Variants in TAS2R3 observed in about 807,000 individuals in gnomAD.
TAS2R3 encodes the protein taste receptor type 2 member 3.
Under a neutral mutation model 15.3 loss-of-function variants are expected in TAS2R3, and 10 were observed. The ratio of observed to expected loss-of-function variants is 0.65; its 90% confidence interval spans 0.40 to 1.11. The LOEUF (loss-of-function observed/expected upper bound fraction) is 1.11. Ranked by LOEUF, TAS2R3 falls within the 50% of genes least tolerant of loss-of-function variation. The probability of loss-of-function intolerance (pLI) is 0.00; values close to 1 mark genes in which losing one functional copy is unlikely to be tolerated. For missense variants in TAS2R3, 383 were observed against 370.3 expected (o/e 1.03, Z -0.28); for synonymous variants, 162 against 141.3 (o/e 1.15, Z -1.04).
rs770578048 is a variant in TAS2R3, at chr7:141,764,281, G to A, written c.123G>A (p.Met41Ile). The change falls in exon 1 of 1, where the codon ATG becomes ATA. Residue 41 changes from methionine to isoleucine, a missense_variant. Met to Ile is a conservative substitution (Grantham distance 10). Coordinates refer to ENST00000247879, the MANE Select transcript of TAS2R3 (RefSeq NM_016943.2). ...GCAGCTGGTTCAAGACCAAGAGAAT[G>A]TCTTTGTCTGACTTCATCATCACCA... ...NGSSWFKTKR[M>I]SLSDFIITTL... 6.2e-7 allele frequency: 1 copy of A among 1,614,200 alleles called. No homozygotes were observed. Among genetic ancestry groups the A allele is most frequent in the African/African-American group, 1.3e-5 (1 of 75,046 alleles).
At chr7:141,764,455 TG>T in the TAS2R3 span, 1 of 1,614,186 alleles carries the variant, frequency 6.2e-7, no homozygotes, top group Non-Finnish European at 8.5e-7. Flanking sequence ...GCATTTGGCT[TG>T]CCACCTGTCT....
chr7:141,764,180 G>T lies in TAS2R3; in HGVS notation c.22G>T (p.Val8Leu), dbSNP rs772564475. ...TGACATGATGGGACTCACCGAGGGG[G>T]TGTTCCTGATTCTGTCTGGCACTCA... The part of the protein sequence containing the change: MMGLTEG[V>L]FLILSGTQFT... The change falls in exon 1 of 1, where the codon GTG (valine) becomes TTG (leucine). Residue 8 changes from valine (V) to leucine (L), a missense_variant. Val to Leu is a conservative substitution (Grantham distance 32). Transcript: ENST00000247879. The T allele has an allele frequency of 6.2e-7, 1 of 1,613,398 alleles. No homozygotes were observed. The highest frequency in any genetic ancestry group is 8.5e-7 in the Non-Finnish European group (1 of 1,179,810).
At position 141,764,841 on chromosome 7, in the gene TAS2R3, C is replaced by G. The variant is rs149980259; in HGVS notation, c.683C>G (p.Ala228Gly). The change falls in exon 1 of 1, where the codon GCC (alanine) becomes GGC (glycine). Residue 228 changes from alanine (A) to glycine (G), a missense_variant. Transcript: ENST00000247879. Reference sequence around the variant, plus strand: ...AGCTCCAGAGATCCAACCACTGAGGCCCACAAGAGGGCCATCAGAATCATC... The same window carrying G: ...AGCTCCAGAGATCCAACCACTGAGGGCCACAAGAGGGCCATCAGAATCATC... Reference protein sequence around the residue: ...GTSSRDPTTEAHKRAIRIILS... With the variant: ...GTSSRDPTTEGHKRAIRIILS... 2.4e-5 allele frequency: 38 copies of G among 1,614,044 alleles called. No individual in the cohort carries two copies. The African/African-American group carries it at 5.1e-4, about 22-fold the overall frequency.
At position 141,764,744 on chromosome 7, in the gene TAS2R3, T is replaced by A; in HGVS notation, c.586T>A (p.Ser196Thr). 6.2e-7 allele frequency: 1 copy of A among 1,613,922 alleles called. No individual in the cohort carries two copies. The highest frequency in any genetic ancestry group is 8.5e-7 in the Non-Finnish European group (1 of 1,179,902). ...GTGGTACCTGCCTCCCTTAATTGTG[T>A]CCCTGGCCTCCTACTCTTTGCTCAT... ...TLWYLPPLIV[S>T]LASYSLLIFS... Residue 196 changes from serine (S) to threonine (T), a missense_variant, in exon 1 of 1, where the codon TCC becomes ACC. By Grantham distance (58) the Ser-to-Thr change is moderately conservative. Transcript: ENST00000247879.
At position 141,764,772 on chromosome 7, in the gene TAS2R3, T is replaced by C; in HGVS notation, c.614T>C (p.Phe205Ser). 1.2e-6 allele frequency: 2 copies of C among 1,613,646 alleles called. No homozygotes were observed. Among genetic ancestry groups the C allele is most frequent in the Non-Finnish European group, 1.7e-6 (2 of 1,179,808 alleles). ...CTGGCCTCCTACTCTTTGCTCATCT[T>C]CTCCCTGGGGAGGCACACACGGCAG... ...VSLASYSLLI[F>S]SLGRHTRQML... Residue 205 changes from phenylalanine (F) to serine (S), a missense_variant, in exon 1 of 1, where the codon TTC (phenylalanine) becomes TCC (serine). By Grantham distance (155) the Phe-to-Ser change is radical (BLOSUM62 -2). Coordinates refer to ENST00000247879, the MANE Select transcript of TAS2R3 (RefSeq NM_016943.2).
chr7:141,764,902 TG>T, the TAS2R3 span: 1 of 1,614,244 alleles, frequency 6.2e-7, no homozygotes, highest in Non-Finnish European at 8.5e-7. Flanking sequence ...TTTACTTTCT[TG>T]CTTTCTTAAT....
rs1191906440 is a variant in TAS2R3, at chr7:141,764,877, T to C, written c.719T>C (p.Phe240Ser). 6.2e-7 allele frequency: 1 copy of C among 1,614,216 alleles called. No homozygotes were observed. The highest frequency in any genetic ancestry group is 1.1e-5 in the South Asian group (1 of 91,078). ...GCCATCAGAATCATCCTTTCCTTCT[T>C]CTTTCTCTTCTTACTTTACTTTCTT... ...KRAIRIILSF[F>S]FLFLLYFLAF... Residue 240 changes from phenylalanine (F) to serine (S), a missense_variant, in exon 1 of 1, where the codon TTC becomes TCC. Coordinates refer to ENST00000247879, the MANE Select transcript of TAS2R3 (RefSeq NM_016943.2).
rs765017863 is a variant in TAS2R3 at position 141,764,461 on chromosome 7, C to T, written c.303C>T (p.Thr101=). The change falls in exon 1 of 1, where the codon ACC becomes ACT. Residue 101 remains threonine (T), a synonymous_variant. Coordinates refer to ENST00000247879, the MANE Select transcript of TAS2R3 (RefSeq NM_016943.2). ...ACCATCTGAGCATTTGGCTTGCCAC[C>T]TGTCTTGGTGTCCTCTACTGCCTGA... ...FTNHLSIWLA[T]CLGVLYCLKI... The T allele has an allele frequency of 9.3e-6, 15 of 1,614,034 alleles. No individual in the cohort carries two copies. The highest frequency in any genetic ancestry group is 1.3e-5 in the Non-Finnish European group (15 of 1,180,042).
Position 141,765,142 on chromosome 7 carries a change from C to G in TAS2R3, c.*33C>G, listed in dbSNP as rs181243861. 12 of 1,562,812 alleles carry G rather than the reference C, an allele frequency of 7.7e-6. No individual in the cohort carries two copies. In the African/African-American group the frequency reaches 1.5e-4, roughly 20 times the overall value. ...GAGGGCATGGGGTGGAGCCCTTGAG[C>G]CTTTTGGCCTGGCTCAAGACTACAG... On this transcript the variant is annotated 3_prime_UTR_variant, in exon 1 of 1. Coordinates refer to ENST00000247879, the MANE Select transcript of TAS2R3 (RefSeq NM_016943.2).
rs1231347775 is a variant in TAS2R3 at position 141,764,922 on chromosome 7, T to C, written c.764T>C (p.Phe255Ser). ...LYFLAFLIAS[F>S]GNFLPKTKMA... ...TTTCTTGCTTTCTTAATTGCATCAT[T>C]TGGTAATTTCCTACCAAAAACCAAG... Residue 255 changes from phenylalanine to serine, a missense_variant, in exon 1 of 1, where the codon TTT becomes TCT. Phe to Ser is a radical substitution (Grantham distance 155). Coordinates refer to ENST00000247879, the MANE Select transcript of TAS2R3 (RefSeq NM_016943.2). The C allele has an allele frequency of 1.2e-6, 2 of 1,614,120 alleles. No homozygotes were observed. The highest frequency in any genetic ancestry group is 1.7e-6 in the Non-Finnish European group (2 of 1,180,054).
Position 141,764,287 on chromosome 7 carries a change from G to T in TAS2R3, c.129G>T (p.Leu43Phe). The T allele has an allele frequency of 6.2e-7, 1 of 1,614,156 alleles. No individual in the cohort carries two copies. The highest frequency in any genetic ancestry group is 1.3e-5 in the African/African-American group (1 of 75,044). Reference sequence around the variant, plus strand: ...GGTTCAAGACCAAGAGAATGTCTTTGTCTGACTTCATCATCACCACCCTGG... The same window carrying T: ...GGTTCAAGACCAAGAGAATGTCTTTTTCTGACTTCATCATCACCACCCTGG... ...SSWFKTKRMS[L>F]SDFIITTLAL... is the part of the protein sequence containing the mutation. The change falls in exon 1 of 1, where the codon TTG (leucine) becomes TTT (phenylalanine). Residue 43 changes from leucine (L) to phenylalanine (F), a missense_variant. Transcript: ENST00000247879.
In TAS2R3 at chr7:141,764,172, C is replaced by G; in HGVS notation, c.14C>G (p.Thr5Ser). 6.2e-7 allele frequency: 1 copy of G among 1,612,126 alleles called. No homozygotes were observed. The highest frequency in any genetic ancestry group is 8.5e-7 in the Non-Finnish European group (1 of 1,179,334). The change falls in exon 1 of 1, where the codon ACC becomes AGC. Residue 5 changes from threonine to serine, a missense_variant. Coordinates refer to ENST00000247879, the MANE Select transcript of TAS2R3 (RefSeq NM_016943.2). The part of the protein sequence containing the change: MMGL[T>S]EGVFLILSGT... ...CTAATTGCTGACATGATGGGACTCA[C>G]CGAGGGGGTGTTCCTGATTCTGTCT...
At position 141,764,747 on chromosome 7, in the gene TAS2R3, C is replaced by T. The variant is rs773117666; in HGVS notation, c.589C>T (p.Leu197=). Residue 197 remains leucine (L), a synonymous_variant, in exon 1 of 1, where the codon CTG becomes TTG. Coordinates refer to ENST00000247879, the MANE Select transcript of TAS2R3 (RefSeq NM_016943.2). ...GTACCTGCCTCCCTTAATTGTGTCCCTGGCCTCCTACTCTTTGCTCATCTT... is the reference window on the plus strand; with the variant it reads ...GTACCTGCCTCCCTTAATTGTGTCCTTGGCCTCCTACTCTTTGCTCATCTT... ...LWYLPPLIVS[L]ASYSLLIFSL... 3.7e-6 allele frequency: 6 copies of T among 1,613,906 alleles called. No individual in the cohort carries two copies. The highest frequency in any genetic ancestry group is 4.2e-6 in the Non-Finnish European group (5 of 1,179,878).
Position 141,765,124 on chromosome 7 carries a change from T to C in TAS2R3, c.*15T>C. ...TTTTCTCTTAGAGTAACAGAGGGCATGGGGTGGAGCCCTTGAGCCTTTTGG... is the reference window on the plus strand; with the variant it reads ...TTTTCTCTTAGAGTAACAGAGGGCACGGGGTGGAGCCCTTGAGCCTTTTGG... On this transcript the variant is annotated 3_prime_UTR_variant, in exon 1 of 1. Coordinates refer to ENST00000247879, the MANE Select transcript of TAS2R3 (RefSeq NM_016943.2). 1 of 1,596,320 alleles carries C rather than the reference T, an allele frequency of 6.3e-7. No homozygotes were observed. The highest frequency in any genetic ancestry group is 8.5e-7 in the Non-Finnish European group (1 of 1,171,674).
At position 141,765,168 on chromosome 7, in the gene TAS2R3, G is replaced by A; in HGVS notation, c.*59G>A. ...CTTTTGGCCTGGCTCAAGACTACAG[G>A]ACTCTTCCTGACCTTCCTATGTTAC... is the stretch of plus-strand genomic sequence containing the variant. On this transcript the variant is annotated 3_prime_UTR_variant, in exon 1 of 1. Transcript: ENST00000247879. The A allele has an allele frequency of 1.3e-6, 2 of 1,498,068 alleles. No individual in the cohort carries two copies. Among genetic ancestry groups the A allele is most frequent in the East Asian group, 2.3e-5 (1 of 44,110 alleles). 92.8% of individuals were successfully genotyped at this position (1,498,068 alleles called of 1,614,324 possible).
At position 141,764,682 on chromosome 7, in the gene TAS2R3, G is replaced by A. The variant is rs1800103861; in HGVS notation, c.524G>A (p.Arg175Lys). 1 of 1,614,142 alleles carries A rather than the reference G, an allele frequency of 6.2e-7. No homozygotes were observed. Among genetic ancestry groups the A allele is most frequent in the African/African-American group, 1.3e-5 (1 of 75,022 alleles). ...GTGACTGAACACTTCAGAAAGAAGAGGAGTGAGTATTATCTGATCCATGTT... is the reference window on the plus strand; with the variant it reads ...GTGACTGAACACTTCAGAAAGAAGAAGAGTGAGTATTATCTGATCCATGTT... ...RNVTEHFRKK[R>K]SEYYLIHVLG... The change falls in exon 1 of 1, where the codon AGG becomes AAG. Residue 175 changes from arginine (R) to lysine (K), a missense_variant. By Grantham distance (26) the Arg-to-Lys change is conservative. Transcript: ENST00000247879.
At position 141,764,313 on chromosome 7, in the gene TAS2R3, C is replaced by T. The variant is rs767722259; in HGVS notation, c.155C>T (p.Ala52Val). 3.1e-6 allele frequency: 5 copies of T among 1,614,106 alleles called. No homozygotes were observed. The highest frequency in any genetic ancestry group is 4.2e-6 in the Non-Finnish European group (5 of 1,180,054). The change falls in exon 1 of 1, where the codon GCA becomes GTA. Residue 52 changes from alanine (A) to valine (V), a missense_variant. Physicochemically the swap from Ala to Val is moderately conservative, Grantham distance 64. Coordinates refer to ENST00000247879, the MANE Select transcript of TAS2R3 (RefSeq NM_016943.2). ...TCTGACTTCATCATCACCACCCTGGCACTCTTGAGGATCATTCTGCTGTGT... is the reference window on the plus strand; with the variant it reads ...TCTGACTTCATCATCACCACCCTGGTACTCTTGAGGATCATTCTGCTGTGT... Reference protein sequence around the residue: ...SLSDFIITTLALLRIILLCII... With the variant: ...SLSDFIITTLVLLRIILLCII...
Position 141,764,797 on chromosome 7 carries a change from G to C in TAS2R3, c.639G>C (p.Gln213His). 6.2e-7 allele frequency: 1 copy of C among 1,614,092 alleles called. No homozygotes were observed. The highest frequency in any genetic ancestry group is 8.5e-7 in the Non-Finnish European group (1 of 1,179,958). ...LIFSLGRHTRQMLQNGTSSRD... is the reference protein window; with the variant it reads ...LIFSLGRHTRHMLQNGTSSRD... ...TCTCCCTGGGGAGGCACACACGGCA[G>C]ATGCTGCAAAATGGGACAAGCTCCA... Residue 213 changes from glutamine to histidine, a missense_variant, in exon 1 of 1, where the codon CAG becomes CAC. Physicochemically the swap from Gln to His is conservative, Grantham distance 24. Transcript: ENST00000247879.
Position 141,764,903 on chromosome 7 carries a change from G to A in TAS2R3, c.745G>A (p.Ala249Thr), listed in dbSNP as rs944883633. The change falls in exon 1 of 1, where the codon GCT becomes ACT. Residue 249 changes from alanine (A) to threonine (T), a missense_variant. Physicochemically the swap from Ala to Thr is moderately conservative, Grantham distance 58 (BLOSUM62 0). Coordinates refer to ENST00000247879, the MANE Select transcript of TAS2R3 (RefSeq NM_016943.2). ...CTTTCTCTTCTTACTTTACTTTCTT[G>A]CTTTCTTAATTGCATCATTTGGTAA... is the stretch of plus-strand genomic sequence containing the variant. ...FFFLFLLYFL[A>T]FLIASFGNFL... 1.2e-6 allele frequency: 2 copies of A among 1,613,978 alleles called. No individual in the cohort carries two copies. Among genetic ancestry groups the A allele is most frequent in the African/African-American group, 2.7e-5 (2 of 74,868 alleles).
Sources: gnomAD v4.1 joint callset for allele counts on GRCh38, gnomAD v4.1.1 for gene constraint, MANE v1.5 for transcripts, NCBI Gene and HGNC (gene_info 2026-07-23, HGNC 2026-07-21) for gene names.